The following EP400 variants were observed in gnomAD, a reference collection of about 807,000 sequenced individuals.
EP400 encodes the protein E1A binding protein p400.
EP400 carries 105 observed loss-of-function variants against 354.1 expected under a neutral mutation model. That is an observed-to-expected ratio of 0.30 (90% confidence interval 0.25 to 0.35). The LOEUF is 0.35. EP400 is among the 10% of genes least tolerant of loss of function. The pLI is 1.00. For missense variants in EP400, 3,280 were observed against 4,121.0 expected (o/e 0.80, Z 5.59); for synonymous variants, 1,646 against 1,716.9 (o/e 0.96, Z 1.02).
chr12:132,053,132 C>T lies in EP400; in HGVS notation c.7395-14C>T, dbSNP rs1565929918. On this transcript the variant is annotated splice_polypyrimidine_tract_variant and intron_variant, in intron 41 of 52. Coordinates refer to ENST00000389561, the MANE Select transcript of EP400 (RefSeq NM_015409.5). ...CTTGCCTGTATGTTTTTAACCTTTG[C>T]GTCTGTCTTTCAGTGGAATCAACTA... The T allele has an allele frequency of 2.6e-5, 42 of 1,613,760 alleles. 1 individual carries two copies. Among genetic ancestry groups the T allele is most frequent in the Admixed American group, 5.0e-5 (3 of 59,994 alleles).
Position 131,987,723 on chromosome 12 carries a change from C to T in EP400, c.2242C>T (p.Arg748Cys), listed in dbSNP as rs201260030. Residue 748 changes from arginine (R) to cysteine (C), a missense_variant, in exon 7 of 53, where the codon CGC (arginine) becomes TGC (cysteine). This residue lies in a region of EP400 where 800 missense variants were observed against 840.0 expected (regional missense o/e 0.95). Coordinates refer to ENST00000389561, the MANE Select transcript of EP400 (RefSeq NM_015409.5). ...QITLENQVHQ[R>C]IAELRKAGLW... ...TCTACAGGAGAACCAGGTGCATCAG[C>T]GCATTGCGGAGCTGAGGAAAGCAGG... 119 of 1,608,410 alleles carry T rather than the reference C, an allele frequency of 7.4e-5. No homozygotes were observed. Among genetic ancestry groups the T allele is most frequent in the African/African-American group, 6.7e-5 (5 of 74,876 alleles).
chr12:132,019,052 C>G (rs1894034130), intron 21 of EP400, among the ~76,000 whole-genome samples: 1 of 152,178 alleles, frequency 6.6e-6, no homozygotes, highest in Non-Finnish European at 1.5e-5. Flanking sequence ...GAGTGGATCA[C>G]CGTCCCCTCA....
rs766966689 is a variant in EP400 at position 132,032,165 on chromosome 12, G to A, written c.5951+16G>A. 1.9e-6 allele frequency: 3 copies of A among 1,605,432 alleles called. No individual in the cohort carries two copies. Among genetic ancestry groups the A allele is most frequent in the Admixed American group, 3.4e-5 (2 of 59,538 alleles). On this transcript the variant is annotated intron_variant, in intron 30 of 52. Transcript: ENST00000389561. ...ACATATACAGGTGAGGGCCTGCGGG[G>A]GATAGGATCAGGAGATGCAAAGACA... is the stretch of plus-strand genomic sequence containing the variant.
At chr12:131,987,104 C>T (rs1593327753) in intron 6 of EP400, among the ~76,000 whole-genome samples, 1 of 152,284 alleles carries the variant, frequency 6.6e-6, no homozygotes, top group South Asian at 2.1e-4. Flanking sequence ...AGCTTGAGCG[C>T]TGGGGCCCTG....
At chr12:131,951,544 T>G (rs986828836) in intron 1 of EP400, among the ~76,000 whole-genome samples, 8 of 152,168 alleles carry the variant, frequency 5.3e-5, no homozygotes, top group African/African-American at 1.9e-4. Flanking sequence ...TTTTTACTTA[T>G]TTGTGTTGTC....
chr12:132,072,541 A>G (rs1161484918), intron 51 of EP400, among the ~76,000 whole-genome samples: 1 of 152,332 alleles, frequency 6.6e-6, no homozygotes, highest in Admixed American at 6.5e-5. Flanking sequence ...CAATGATTTC[A>G]GTCTTTGAAA....
chr12:131,976,989 C>T (rs1892500122), intron 2 of EP400, among the ~76,000 whole-genome samples: 1 of 152,222 alleles, frequency 6.6e-6, no homozygotes, highest in South Asian at 2.1e-4. Context: ...GCCCTCATGC[C>T]AAATGCCATG....
At chr12:132,030,294 A>G (rs1442408733) in intron 29 of EP400, 136 bp downstream of exon 29, 1 of 1,039,014 alleles carries the variant, frequency 9.6e-7, no homozygotes, top group Non-Finnish European at 1.4e-6. Context: ...TGAACTTTTT[A>G]AAGTCTCAAT....
At chr12:131,953,833 C>G (rs1334675689) in intron 1 of EP400, among the ~76,000 whole-genome samples, 1 of 152,112 alleles carries the variant, frequency 6.6e-6, no homozygotes, top group East Asian at 1.9e-4. Context: ...TTGTGGTTGG[C>G]TGGGTGGGGT....
chr12:132,060,048 T>C (rs1201396162), intron 45 of EP400, among the ~76,000 whole-genome samples: 1 of 152,054 alleles, frequency 6.6e-6, no homozygotes, highest in Non-Finnish European at 1.5e-5. Context: ...ATGCTTTCTA[T>C]TTTAAGGAAA....
In EP400 at chr12:132,070,873, A is replaced by G. The variant is rs533691175; in HGVS notation, c.9021+1232A>G. Among the ~76,000 whole-genome samples the G allele has an allele frequency of 7.2e-5, 11 of 152,142 alleles. No homozygotes were observed. Among genetic ancestry groups the G allele is most frequent in the Non-Finnish European group, 1.6e-4 (11 of 67,980 alleles). Reference sequence around the variant, plus strand: ...CATTTTCTGTCTCTGGCTGTTGTACATTTTTGTACATTAGTTTTTTATTCT... The same window carrying G: ...CATTTTCTGTCTCTGGCTGTTGTACGTTTTTGTACATTAGTTTTTTATTCT... On this transcript the variant is annotated intron_variant, in intron 51 of 52. Coordinates refer to ENST00000389561, the MANE Select transcript of EP400 (RefSeq NM_015409.5). The surrounding 1 kb of genome is among the most constrained non-coding windows in gnomAD (Gnocchi z 4.1).
chr12:132,039,361 G>A (rs1012738405), intron 32 of EP400, among the ~76,000 whole-genome samples: 9 of 152,138 alleles, frequency 5.9e-5, no homozygotes, highest in Non-Finnish European at 1.3e-4. Flanking sequence ...TTCCATGGTG[G>A]TGGAAGGGGA....
chr12:131,991,483 T>C, intron 10 of EP400, 27 bp downstream of exon 10: 1 of 1,612,804 alleles, frequency 6.2e-7, no homozygotes, highest in Non-Finnish European at 8.5e-7. Context: ...TACTGTGCTG[T>C]GTGAGAAGGA....
Position 131,987,589 on chromosome 12 carries a change from T to C in EP400, c.2224-116T>C, listed in dbSNP as rs902895979. 5.5e-5 allele frequency: 46 copies of C among 842,384 alleles called. No homozygotes were observed. In the African/African-American group the frequency reaches 5.9e-4, roughly 11 times the overall value. 52.2% of individuals were successfully genotyped at this position (842,384 alleles called of 1,614,324 possible). ...AAACTGGGACCTTGTGCTTTCTCTC[T>C]TTCTTAGTGCCTGACTGAGCCTTTT... On this transcript the variant is annotated intron_variant, in intron 6 of 52. Transcript: ENST00000389561.
rs1896296702 is a variant in EP400, at chr12:132,078,242, A to G, written c.*569A>G. ...TGGTTCCTTCCTTCCCTCCTAAAAT[A>G]TGACTTAACTTTTAAGAGAAATGTT... On this transcript the variant is annotated 3_prime_UTR_variant, in exon 53 of 53. Coordinates refer to ENST00000389561, the MANE Select transcript of EP400 (RefSeq NM_015409.5). 1 of 153,780 alleles carries G rather than the reference A, an allele frequency of 6.5e-6. No individual in the cohort carries two copies. Among genetic ancestry groups the G allele is most frequent in the South Asian group, 2.0e-4 (1 of 4,910 alleles). 9.5% of individuals were successfully genotyped at this position (153,780 alleles called of 1,614,324 possible). A position where few individuals can be genotyped will look rare whatever the true frequency, so the allele number is the denominator to read the frequency against.
At chr12:132,058,353 A>ATTTTTTTTTTTTTTTTTTT (rs60226464) in intron 45 of EP400, among the ~76,000 whole-genome samples, 33 of 129,528 alleles carry the variant, frequency 2.5e-4, no homozygotes, top group African/African-American at 9.3e-4. Context: ...TAAAGATTGG[A>ATTTTTTTTTTTTTTTTTTT]TTTTTTTTTT....
intron 2 of EP400, chr12:131,963,656 GT>G: frequency 6.3e-7 from 1 of 1,586,686 alleles, no homozygotes; most frequent in Non-Finnish European, 8.5e-7. Flanking sequence ...CTTTTCGATG[GT>G]TCTCAAATGT....
Position 132,027,485 on chromosome 12 carries a change from C to A in EP400, c.5063C>A (p.Pro1688His), listed in dbSNP as rs377554238. Residue 1688 changes from proline to histidine, a missense_variant, in exon 26 of 53, where the codon CCC becomes CAC. Around this residue, in one of 20 missense-constraint regions of EP400, gnomAD observed 459 missense variants for 496.9 expected, o/e 0.92. Transcript: ENST00000389561. The surrounding 1 kb of genome is among the most constrained non-coding windows in gnomAD (Gnocchi z 4.9). ...VAVNALAVGEPGTASKPASPI... is the reference protein window; with the variant it reads ...VAVNALAVGEHGTASKPASPI... ...GTGAATGCCTTGGCTGTAGGAGAAC[C>A]CGGAACGGCCTCCAAACCAGCTTCT... The A allele has an allele frequency of 1.2e-6, 2 of 1,613,908 alleles. No homozygotes were observed. Among genetic ancestry groups the A allele is most frequent in the Non-Finnish European group, 1.7e-6 (2 of 1,179,958 alleles).
rs1895260967 is a variant in EP400, at chr12:132,050,760, A to G, written c.7394+105A>G. ...AAATCGTTGTGCACTTAGCGTGTTC[A>G]GGCATCAGCTGGACGTGGCAGTGCG... On this transcript the variant is annotated intron_variant, in intron 41 of 52. Transcript: ENST00000389561. The surrounding 1 kb of genome is among the most constrained non-coding windows in gnomAD (Gnocchi z 4.8). 5 of 1,415,526 alleles carry G rather than the reference A, an allele frequency of 3.5e-6. No individual in the cohort carries two copies. The highest frequency in any genetic ancestry group is 5.0e-6 in the Non-Finnish European group (5 of 1,006,152). 87.7% of individuals were successfully genotyped at this position (1,415,526 alleles called of 1,614,324 possible).
Sources: gnomAD v4.1 joint callset for allele counts (sites outside exome capture counted in the v4.1 genomes callset) on GRCh38, gnomAD v4.1.1 for gene constraint, gnomAD v4.1.1 regional missense constraint, Gnocchi (gnomAD v3.1) non-coding constraint, MANE v1.5 for transcripts, NCBI Gene and HGNC (gene_info 2026-07-23, HGNC 2026-07-21) for gene names.